IFT56: variants seen among roughly 807,000 people sequenced by gnomAD.
IFT56 encodes the protein intraflagellar transport protein 56.
At chr7:139,184,459 A>T in the IFT56 span, among the ~76,000 whole-genome samples, 1 of 152,162 alleles carries the variant, frequency 6.6e-6, no homozygotes, top group African/African-American at 2.4e-5. Flanking sequence ...AGGGTCCCAT[A>T]CTGTTTGCTT....
At chr7:139,151,904 A>G in the IFT56 span, among the ~76,000 whole-genome samples, 1 of 152,140 alleles carries the variant, frequency 6.6e-6, no homozygotes, top group African/African-American at 2.4e-5. Context: ...TCTACTAAAA[A>G]TACAAAATTA....
chr7:139,154,164 C>T, the IFT56 span, among the ~76,000 whole-genome samples: 1 of 152,018 alleles, frequency 6.6e-6, no homozygotes, highest in Admixed American at 6.6e-5. Context: ...AGTTCTTTGC[C>T]CATTTTTTAA....
chr7:139,181,220 G>A, the IFT56 span: 1 of 1,543,830 alleles, frequency 6.5e-7, no homozygotes, highest in South Asian at 1.1e-5. Context: ...TGAGACTAAA[G>A]GGAACATTAA....
chr7:139,168,980 A>G, the IFT56 span, among the ~76,000 whole-genome samples: 3 of 152,232 alleles, frequency 2.0e-5, no homozygotes, highest in Non-Finnish European at 2.9e-5. Flanking sequence ...TTATATCTAC[A>G]GCTCCTGTTC....
At chr7:139,165,055 T>C in the IFT56 span, 1 of 1,160,880 alleles carries the variant, frequency 8.6e-7, no homozygotes, top group Non-Finnish European at 1.2e-6. Flanking sequence ...CAGTTATATA[T>C]GCCAGCTCCT....
At chr7:139,176,996 AC>A in the IFT56 span, among the ~76,000 whole-genome samples, 1 of 151,808 alleles carries the variant, frequency 6.6e-6, no homozygotes, top group Admixed American at 6.6e-5. Context: ...ACATGGTGGA[AC>A]CCCACCTCTA....
At chr7:139,169,829 A>G in the IFT56 span, among the ~76,000 whole-genome samples, 2 of 152,086 alleles carry the variant, frequency 1.3e-5, no homozygotes, top group African/African-American at 4.8e-5. Context: ...TGGGCAACAT[A>G]GGAAGACCCC....
At chr7:139,186,033 T>C in the IFT56 span, among the ~76,000 whole-genome samples, 1 of 152,016 alleles carries the variant, frequency 6.6e-6, no homozygotes, top group Non-Finnish European at 1.5e-5. Flanking sequence ...GAAAAACATC[T>C]GTCAGGAATA....
the IFT56 span, among the ~76,000 whole-genome samples, chr7:139,147,981 C>T: frequency 9.2e-5 from 14 of 152,192 alleles, 1 homozygote; most frequent in South Asian, 8.3e-4. Context: ...GTGTGAACAG[C>T]GTGAACTTTC....
the IFT56 span, among the ~76,000 whole-genome samples, chr7:139,162,498 T>A: frequency 2.0e-5 from 3 of 152,130 alleles, no homozygotes; most frequent in Admixed American, 6.5e-5. Flanking sequence ...ATTTTTTTTT[T>A]AAACCTGAAA....
At chr7:139,190,225 T>TTGTTGTTG in the IFT56 span, 16 of 145,462 alleles carry the variant, frequency 1.1e-4, no homozygotes, top group African/African-American at 4.2e-4. Context: ...AACATCAGTT[T>TTGTTGTTG]TTGTTGTTGT....
chr7:139,172,478 G>A, the IFT56 span: 1 of 412,634 alleles, frequency 2.4e-6, no homozygotes, highest in Admixed American at 3.4e-5. Flanking sequence ...CGCTGAGCTA[G>A]ATAGAGGAGT....
At chr7:139,190,313 T>A in the IFT56 span, 1 of 152,186 alleles carries the variant, frequency 6.6e-6, no homozygotes, top group African/African-American at 2.4e-5. Flanking sequence ...TGGTGCGATC[T>A]CGGCTCACTG....
the IFT56 span, among the ~76,000 whole-genome samples, chr7:139,160,498 TG>T: frequency 6.6e-6 from 1 of 151,862 alleles, no homozygotes; most frequent in Non-Finnish European, 1.5e-5. Flanking sequence ...GGCGCAATCT[TG>T]GCTCACTGCA....
the IFT56 span, among the ~76,000 whole-genome samples, chr7:139,137,351 G>A: frequency 4.6e-5 from 7 of 152,206 alleles, no homozygotes; most frequent in Non-Finnish European, 8.8e-5. Context: ...TCAGTGAAAG[G>A]TTACAACCTA....
chr7:139,147,505 A>G, the IFT56 span, among the ~76,000 whole-genome samples: 34 of 152,180 alleles, frequency 2.2e-4, no homozygotes, highest in East Asian at 3.9e-4. Context: ...TTTTTCCCCC[A>G]ATTGCCCTCC....
chr7:139,187,384 C>G, the IFT56 span: 1 of 1,612,780 alleles, frequency 6.2e-7, no homozygotes, highest in Non-Finnish European at 8.5e-7. Context: ...GCAAGTATTA[C>G]CACATACGTT....
chr7:139,148,328 A>G, the IFT56 span: 3 of 1,613,774 alleles, frequency 1.9e-6, no homozygotes, highest in African/African-American at 1.3e-5. Flanking sequence ...ATCGCACTCA[A>G]TCTTAAAGCC....
the IFT56 span, among the ~76,000 whole-genome samples, chr7:139,151,167 G>A: frequency 6.6e-6 from 1 of 152,194 alleles, no homozygotes; most frequent in African/African-American, 2.4e-5. Context: ...AATGAAGACT[G>A]AGAAAAGGCC....
Sources: gnomAD v4.1 joint callset for allele counts (sites outside exome capture counted in the v4.1 genomes callset) on GRCh38, gnomAD v4.1.1 for gene constraint, MANE v1.5 for transcripts, NCBI Gene and HGNC (gene_info 2026-07-23, HGNC 2026-07-21) for gene names.